Variants in MBD2 observed in about 807,000 individuals in gnomAD.
MBD2 encodes methyl-CpG-binding domain protein 2.
MBD2 carries 9 observed loss-of-function variants against 39.3 expected under a neutral mutation model. The observed-to-expected ratio is 0.23, with a 90% CI of 0.14 to 0.40. MBD2 has a LOEUF of 0.40. Among genes scored for constraint, MBD2 ranks in the 10% least tolerant of loss-of-function variants. The probability of loss-of-function intolerance (pLI) is 1.00; values close to 1 mark genes in which losing one functional copy is unlikely to be tolerated. For missense variants in MBD2, 458 were observed against 532.6 expected (o/e 0.86, Z 1.38); for synonymous variants, 233 against 211.1 (o/e 1.10, Z -0.90).
chr18:54,205,556 A>C lies in MBD2; in HGVS notation c.543-399T>G, dbSNP rs1335089786. Among the ~76,000 whole-genome samples, 4 of 147,486 alleles carry C rather than the reference A, an allele frequency of 2.7e-5. No homozygotes were observed. In the East Asian group the frequency reaches 8.0e-4, roughly 30 times the overall value. On this transcript the variant is annotated intron_variant, in intron 1 of 6. Coordinates refer to ENST00000256429, the MANE Select transcript of MBD2 (RefSeq NM_003927.5). ...CAGTGAGCCAAGATCGCGTCACTGT[A>C]CTCCAGCCTGGGCAACAAGAGCAAA...
At chr18:54,186,341 T>C (rs2086286458) in intron 3 of MBD2, among the ~76,000 whole-genome samples, 1 of 152,178 alleles carries the variant, frequency 6.6e-6, no homozygotes, top group African/African-American at 2.4e-5. Flanking sequence ...CAATTTATAT[T>C]ATCAACTGAA....
chr18:54,222,764 T>G (rs1022688354), intron 1 of MBD2, among the ~76,000 whole-genome samples: 3 of 152,268 alleles, frequency 2.0e-5, no homozygotes, highest in Non-Finnish European at 4.4e-5. Context: ...CTCATCCATA[T>G]ATAGCAACCA....
chr18:54,202,937 A>G (rs1395824672), intron 2 of MBD2: 6 of 1,002,436 alleles, frequency 6.0e-6, no homozygotes, highest in Non-Finnish European at 9.7e-6. Context: ...TATGCAGGGC[A>G]GGCTTCCCAG....
intron 1 of MBD2, among the ~76,000 whole-genome samples, chr18:54,205,981 C>CACACAT (rs1451638106): frequency 6.6e-6 from 1 of 151,590 alleles, no homozygotes; most frequent in African/African-American, 2.4e-5. Flanking sequence ...CACACACACA[C>CACACAT]ACAAATATGT....
intron 3 of MBD2, among the ~76,000 whole-genome samples, chr18:54,177,549 C>T (rs2086220458): frequency 6.6e-6 from 1 of 151,868 alleles, no homozygotes; most frequent in South Asian, 2.1e-4. Flanking sequence ...GGCGCGATCT[C>T]GGCTCACTGC....
chr18:54,158,041 G>A (rs1471721608), intron 6 of MBD2, among the ~76,000 whole-genome samples: 1 of 152,104 alleles, frequency 6.6e-6, no homozygotes, highest in Non-Finnish European at 1.5e-5. Context: ...TATTCATGCA[G>A]CAGCCATAGG....
At chr18:54,173,311 TA>T (rs768189208) in intron 3 of MBD2, among the ~76,000 whole-genome samples, 1 of 151,564 alleles carries the variant, frequency 6.6e-6, no homozygotes, top group Non-Finnish European at 1.5e-5. Context: ...GGCCTCTTGT[TA>T]AAAAAAAATT....
chr18:54,164,718 T>A lies in MBD2; in HGVS notation c.932-18A>T, dbSNP rs749297991. On this transcript the variant is annotated intron_variant, in intron 4 of 6. Coordinates refer to ENST00000256429, the MANE Select transcript of MBD2 (RefSeq NM_003927.5). ...ACCAACTCCTGCAATGAGAAACAAGTACTAGTTAAAGGAAATGTCTCAATG... is the reference window on the plus strand; with the variant it reads ...ACCAACTCCTGCAATGAGAAACAAGAACTAGTTAAAGGAAATGTCTCAATG... 4 of 1,588,614 alleles carry A rather than the reference T, an allele frequency of 2.5e-6. No individual in the cohort carries two copies. The South Asian group carries it at 3.3e-5, about 13-fold the overall frequency.
chr18:54,200,003 A>C (rs1265824327), intron 2 of MBD2, among the ~76,000 whole-genome samples: 3 of 152,208 alleles, frequency 2.0e-5, no homozygotes, highest in Non-Finnish European at 2.9e-5. Context: ...CATGTGACTG[A>C]GAACCTAGTA....
chr18:54,157,263 ATTT>A (rs113156706), intron 6 of MBD2, among the ~76,000 whole-genome samples: 1 of 143,934 alleles, frequency 6.9e-6, no homozygotes, highest in Non-Finnish European at 1.5e-5. Context: ...GATTGAAATG[ATTT>A]TTTTTTTTTT....
chr18:54,196,751 C>T (rs186990581), intron 2 of MBD2, among the ~76,000 whole-genome samples: 32 of 152,300 alleles, frequency 2.1e-4, no homozygotes, highest in Admixed American at 1.9e-3. Context: ...ATAGCCAAGT[C>T]CAGACCCTCT....
At position 54,153,710 on chromosome 18, in the gene MBD2, C is replaced by T. The variant is rs1486176650; in HGVS notation, c.*1614G>A. On this transcript the variant is annotated 3_prime_UTR_variant, in exon 7 of 7. Coordinates refer to ENST00000256429, the MANE Select transcript of MBD2 (RefSeq NM_003927.5). ...AAATCACTATGATCCTCACCCCCACCCCAGTTGGGACAGTCTGATGGGGCG... is the reference window on the plus strand; with the variant it reads ...AAATCACTATGATCCTCACCCCCACTCCAGTTGGGACAGTCTGATGGGGCG... 2.0e-5 allele frequency: 3 copies of T among 152,150 alleles called. No individual in the cohort carries two copies. Among genetic ancestry groups the T allele is most frequent in the African/African-American group, 7.2e-5 (3 of 41,402 alleles). 9.4% of individuals were successfully genotyped at this position (152,150 alleles called of 1,614,324 possible). A position where few individuals can be genotyped will look rare whatever the true frequency, so the allele number is the denominator to read the frequency against.
intron 1 of MBD2, among the ~76,000 whole-genome samples, chr18:54,213,698 TA>T (rs1266765763): frequency 1.3e-5 from 2 of 152,178 alleles, no homozygotes; most frequent in African/African-American, 2.4e-5. Flanking sequence ...AAAATATAAC[TA>T]GGGGGAACGG....
chr18:54,178,253 T>C (rs1040113806), intron 3 of MBD2, among the ~76,000 whole-genome samples: 2 of 151,992 alleles, frequency 1.3e-5, no homozygotes, highest in African/African-American at 4.8e-5. Context: ...TCCTCAAAAT[T>C]ACCAGAAGTA....
At chr18:54,205,213 T>C in intron 1 of MBD2, 56 bp from the exon 2 acceptor site, 2 of 1,457,162 alleles carry the variant, frequency 1.4e-6, no homozygotes, top group Non-Finnish European at 1.9e-6. Context: ...CACATAAGCC[T>C]TTTCTTCATG....
chr18:54,222,352 C>T (rs764484548), intron 1 of MBD2: 5 of 518,192 alleles, frequency 9.6e-6, no homozygotes, highest in Non-Finnish European at 1.9e-5. Flanking sequence ...AAGGTTTTCT[C>T]TCAGCACCAG....
chr18:54,202,970 T>A, intron 2 of MBD2: 1 of 989,070 alleles, frequency 1.0e-6, no homozygotes, highest in Non-Finnish European at 1.6e-6. Flanking sequence ...TGAAGCTGGG[T>A]CTTGGATGAG....
At chr18:54,221,760 C>A (rs2086615241) in intron 1 of MBD2, among the ~76,000 whole-genome samples, 1 of 152,102 alleles carries the variant, frequency 6.6e-6, no homozygotes, top group Admixed American at 6.6e-5. Context: ...CAGAGCTAGA[C>A]TCCATCTCAA....
At chr18:54,194,333 C>G (rs1008037784) in intron 2 of MBD2, among the ~76,000 whole-genome samples, 1 of 151,974 alleles carries the variant, frequency 6.6e-6, no homozygotes, top group East Asian at 1.9e-4. Context: ...AATTTTCATT[C>G]CCTTTACTCT....
Sources: allele counts gnomAD v4.1 joint callset (sites outside exome capture counted in the v4.1 genomes callset), GRCh38; gene constraint gnomAD v4.1.1; transcripts MANE v1.5; gene names NCBI Gene and HGNC (gene_info 2026-07-23, HGNC 2026-07-21).